Variants in CDC14A observed in about 807,000 individuals in gnomAD.
The protein encoded by CDC14A is cell division cycle 14A.
In CDC14A, 53 loss-of-function variants were observed where a neutral mutation model predicts 74.4. The observed-to-expected ratio is 0.71, with a 90% CI of 0.57 to 0.89. The LOEUF (loss-of-function observed/expected upper bound fraction) is 0.89. Among genes scored for constraint, CDC14A ranks in the 40% least tolerant of loss-of-function variants. CDC14A has a pLI of 0.00. For synonymous variants in CDC14A, 247 were observed against 258.4 expected (o/e 0.96, Z 0.43); for missense variants, 646 against 713.7 (o/e 0.91, Z 1.08).
intron 4 of CDC14A, among the ~76,000 whole-genome samples, chr1:100,420,025 CAT>C (rs201774531): frequency 1.7e-4 from 11 of 66,256 alleles, no homozygotes; most frequent in South Asian, 5.0e-4. Context: ...TATATATATA[CAT>C]ATATACACAC....
chr1:100,459,251 C>T (rs1288485682), intron 8 of CDC14A, among the ~76,000 whole-genome samples: 1 of 152,118 alleles, frequency 6.6e-6, no homozygotes, highest in African/African-American at 2.4e-5. Flanking sequence ...CAGGTTGAAG[C>T]CTGGCTCCAT....
chr1:100,351,648 T>C, upstream of CDC14A: 1 of 1,115,702 alleles, frequency 9.0e-7, no homozygotes, highest in Non-Finnish European at 1.3e-6. Context: ...CCAGGCTGGC[T>C]CAGCGGTCTC....
intron 13 of CDC14A, among the ~76,000 whole-genome samples, chr1:100,497,504 A>G (rs531088741): frequency 1.3e-5 from 2 of 152,378 alleles, no homozygotes; most frequent in South Asian, 4.1e-4. Context: ...GTGAAGTGAC[A>G]TGATTCACTG....
intron 8 of CDC14A, 87 bp from the exon 9 acceptor site, chr1:100,462,564 A>G: frequency 9.8e-7 from 1 of 1,022,474 alleles, no homozygotes; most frequent in Non-Finnish European, 1.5e-6. Context: ...GTTGAGATTT[A>G]TACACTTCAT....
chr1:100,482,238 C>G (rs2101348033), intron 10 of CDC14A, among the ~76,000 whole-genome samples: 2 of 152,178 alleles, frequency 1.3e-5, no homozygotes, highest in South Asian at 4.1e-4. Context: ...CTCCTCTGTT[C>G]TCACTTTGTT....
intron 4 of CDC14A, among the ~76,000 whole-genome samples, chr1:100,409,606 C>A (rs1352880419): frequency 6.6e-6 from 1 of 152,170 alleles, no homozygotes; most frequent in East Asian, 1.9e-4. Context: ...AACAAAGGGG[C>A]TACAGGCCCC....
intron 10 of CDC14A, among the ~76,000 whole-genome samples, chr1:100,479,943 A>T (rs1219590306): frequency 6.6e-6 from 1 of 152,222 alleles, no homozygotes; most frequent in Non-Finnish European, 1.5e-5. Context: ...GCCAGTTATT[A>T]CTCTAGATAG....
intron 12 of CDC14A, among the ~76,000 whole-genome samples, chr1:100,495,265 G>C (rs1364935284): frequency 2.0e-5 from 3 of 152,232 alleles, no homozygotes; most frequent in African/African-American, 7.2e-5. Context: ...CAGGTGTGCT[G>C]AGGCTGTTGT....
chr1:100,389,593 G>C (rs1412890338), intron 3 of CDC14A, among the ~76,000 whole-genome samples: 2 of 152,134 alleles, frequency 1.3e-5, no homozygotes. Context: ...GAGTGTTGCA[G>C]TTTCATCTTA....
chr1:100,426,616 T>C (rs1034528450), intron 5 of CDC14A, among the ~76,000 whole-genome samples: 2 of 152,186 alleles, frequency 1.3e-5, no homozygotes, highest in Non-Finnish European at 2.9e-5. Context: ...AAAAAATCTA[T>C]ATAGGAAGGT....
chr1:100,487,253 G>A (rs949991914), intron 11 of CDC14A, among the ~76,000 whole-genome samples: 7 of 152,142 alleles, frequency 4.6e-5, no homozygotes, highest in Non-Finnish European at 1.0e-4. Context: ...TACCAGATTT[G>A]GAGAATTCGA....
chr1:100,456,250 C>A lies in CDC14A; in HGVS notation c.607+758C>A, dbSNP rs967646005. Among the ~76,000 whole-genome samples, 4 of 152,134 alleles carry A rather than the reference C, an allele frequency of 2.6e-5. No individual in the cohort carries two copies. The East Asian group carries it at 7.7e-4, about 29-fold the overall frequency. On this transcript the variant is annotated intron_variant, in intron 8 of 15. Coordinates refer to ENST00000336454, the MANE Select transcript of CDC14A (RefSeq NM_003672.4). ...AAATAAAAACAAAACTAAAAATAAACCTTTTGAATGAAACATGATCAGCTA... is the reference window on the plus strand; with the variant it reads ...AAATAAAAACAAAACTAAAAATAAAACTTTTGAATGAAACATGATCAGCTA...
chr1:100,474,390 G>A (rs1178949918), intron 10 of CDC14A, among the ~76,000 whole-genome samples: 1 of 152,120 alleles, frequency 6.6e-6, no homozygotes, highest in Non-Finnish European at 1.5e-5. Flanking sequence ...TCCTGGAAGA[G>A]ATTGTGAGAG....
intron 15 of CDC14A, among the ~76,000 whole-genome samples, chr1:100,509,165 C>T (rs1200824363): frequency 6.6e-6 from 1 of 152,170 alleles, no homozygotes; most frequent in African/African-American, 2.4e-5. Flanking sequence ...ACTTGGTCTC[C>T]CTTCCTCCCT....
At chr1:100,417,355 T>C (rs749222592) in intron 4 of CDC14A, among the ~76,000 whole-genome samples, 7 of 152,234 alleles carry the variant, frequency 4.6e-5, no homozygotes, top group Non-Finnish European at 1.0e-4. Context: ...ACTATCTCTG[T>C]GCCCTCGTAT....
chr1:100,359,673 G>A (rs938595117), intron 2 of CDC14A, among the ~76,000 whole-genome samples: 1 of 152,064 alleles, frequency 6.6e-6, no homozygotes, highest in Non-Finnish European at 1.5e-5. Context: ...AAGAAATTGA[G>A]TTAATTGTAG....
chr1:100,439,839 A>G (rs183383528), intron 5 of CDC14A, 93 bp from the exon 6 acceptor site: 38 of 847,750 alleles, frequency 4.5e-5, no homozygotes, highest in East Asian at 2.8e-4. Flanking sequence ...GTGAAGCCAA[A>G]CAAGCACATC....
At chr1:100,420,464 T>C (rs1046790766) in intron 4 of CDC14A, among the ~76,000 whole-genome samples, 1 of 152,134 alleles carries the variant, frequency 6.6e-6, no homozygotes, top group African/African-American at 2.4e-5. Context: ...AAGAGGATTC[T>C]ATATAACTTC....
At chr1:100,365,308 G>T (rs546916114) in intron 2 of CDC14A, among the ~76,000 whole-genome samples, 123 of 152,370 alleles carry the variant, frequency 8.1e-4, no homozygotes, top group African/African-American at 2.7e-3. Flanking sequence ...CAGACCCAAT[G>T]CACTGAGAGG....
Sources: gnomAD v4.1 joint callset for allele counts (sites outside exome capture counted in the v4.1 genomes callset) on GRCh38, gnomAD v4.1.1 for gene constraint, MANE v1.5 for transcripts, NCBI Gene and HGNC (gene_info 2026-07-23, HGNC 2026-07-21) for gene names.